SYNE1: variants seen among roughly 807,000 people sequenced by gnomAD.
The protein encoded by SYNE1 is spectrin repeat containing nuclear envelope protein 1.
Under a neutral mutation model 1,111.0 loss-of-function variants are expected in SYNE1, and 616 were observed. The ratio of observed to expected loss-of-function variants is 0.55; its 90% CI spans 0.52 to 0.59. The LOEUF (loss-of-function observed/expected upper bound fraction) is 0.59. Among genes scored for constraint, SYNE1 ranks in the 20% least tolerant of loss-of-function variants. The probability of loss-of-function intolerance (pLI) is 0.00; values close to 1 mark genes in which losing one functional copy is unlikely to be tolerated. For missense variants in SYNE1, 10,006 were observed against 10,417.0 expected, an observed-to-expected ratio of 0.96 and a Z score of 1.72; for synonymous variants, 3,855 against 3,825.8, an observed-to-expected ratio of 1.01 and a Z score of -0.28.
chr6:152,523,887 T>A (rs1247322980), intron 5 of SYNE1, among the ~76,000 whole-genome samples: 1 of 152,212 alleles, frequency 6.6e-6, no homozygotes, highest in Non-Finnish European at 1.5e-5. Context: ...TACTGACTTG[T>A]GCACATTGAT....
Position 152,236,269 on chromosome 6 carries a change from T to C in SYNE1, c.20234A>G (p.Lys6745Arg), listed in dbSNP as rs769256850. The C allele has an allele frequency of 2.2e-5, 36 of 1,613,918 alleles. 1 individual carries two copies. The South Asian group carries it at 3.3e-4, about 15-fold the overall frequency. ...CCCATCATCTAATACTTGATATAAT[T>C]TGGGCTGGTATTCATTAAGGCTAGA... ...LKSSLNEYQP[K>R]LYQVLDDGKR... Residue 6745 changes from lysine (K) to arginine (R), a missense_variant, in exon 110 of 146, where the codon AAA becomes AGA. By Grantham distance (26) the Lys-to-Arg change is conservative. Coordinates refer to ENST00000367255, the MANE Select transcript of SYNE1 (RefSeq NM_182961.4).
At position 152,231,647 on chromosome 6, in the gene SYNE1, C is replaced by T. The variant is rs2082772234; in HGVS notation, c.20863-80G>A. On this transcript the variant is annotated intron_variant, in intron 113 of 145. Coordinates refer to ENST00000367255, the MANE Select transcript of SYNE1 (RefSeq NM_182961.4). ...CAGGAGTTGGAAAGCCTTAAGTAAC[C>T]TTAATATTAATATTATCACTTCCAT... is the stretch of plus-strand genomic sequence containing the variant. 9 of 1,413,720 alleles carry T rather than the reference C, an allele frequency of 6.4e-6. No individual in the cohort carries two copies. In the Admixed American group the frequency reaches 1.2e-4, roughly 18 times the overall value. 87.6% of individuals were successfully genotyped at this position (1,413,720 alleles called of 1,614,324 possible). A position where few individuals can be genotyped will look rare whatever the true frequency, so the allele number is the denominator to read the frequency against.
chr6:152,127,149 C>T (rs911937383), intron 145 of SYNE1: 2 of 152,132 alleles, frequency 1.3e-5, no homozygotes, highest in African/African-American at 4.8e-5. Flanking sequence ...CCTGAGGCAG[C>T]CTGTGGTGGC....
At chr6:152,199,697 G>A (rs1241093791) in intron 127 of SYNE1, among the ~76,000 whole-genome samples, 3 of 152,056 alleles carry the variant, frequency 2.0e-5, no homozygotes, top group East Asian at 1.9e-4. Context: ...GTCTTTACAC[G>A]GTAGAAAGGT....
At chr6:152,162,030 C>G (rs921987767) in intron 131 of SYNE1, among the ~76,000 whole-genome samples, 7 of 152,208 alleles carry the variant, frequency 4.6e-5, no homozygotes, top group African/African-American at 1.7e-4. Flanking sequence ...CAGAGTCCCT[C>G]TGGTTTGCTT....
intron 11 of SYNE1, among the ~76,000 whole-genome samples, 191 bp from the exon 12 acceptor site, chr6:152,488,694 T>C (rs981928024): frequency 1.3e-5 from 2 of 151,692 alleles, no homozygotes; most frequent in Non-Finnish European, 2.9e-5. Context: ...AGTATCTTAG[T>C]TATCTTATTG....
rs147508177 is a variant in SYNE1, at chr6:152,425,389, A to G, written c.5259T>C (p.Ile1753=). The part of the protein sequence containing the change: ...DERWRDLPQI[I]NKRINFLQSV... ...TATCTTTTAGAACCAACCTTTTGTT[A>G]ATGATCTGTGGTAAATCTCTCCATC... The change falls in exon 39 of 146, where the codon ATT becomes ATC. Residue 1753 remains isoleucine, a synonymous_variant. Coordinates refer to ENST00000367255, the MANE Select transcript of SYNE1 (RefSeq NM_182961.4). 5.7e-4 allele frequency: 919 copies of G among 1,614,088 alleles called. No homozygotes were observed. The highest frequency in any genetic ancestry group is 7.4e-4 in the Non-Finnish European group (871 of 1,179,952).
chr6:152,539,643 A>G (rs934810650), intron 4 of SYNE1, among the ~76,000 whole-genome samples: 1 of 152,210 alleles, frequency 6.6e-6, no homozygotes, highest in Non-Finnish European at 1.5e-5. Flanking sequence ...ACACACAAAC[A>G]AAAATCCAGC....
chr6:152,149,700 A>G (rs1219178881), intron 135 of SYNE1, 32 bp from the exon 136 acceptor site: 1 of 1,588,200 alleles, frequency 6.3e-7, no homozygotes, highest in South Asian at 1.1e-5. Context: ...TGATTTTGCT[A>G]TTGTTGTTGC....
intron 61 of SYNE1, 92 bp from the exon 62 acceptor site, chr6:152,367,474 T>C: frequency 2.7e-6 from 4 of 1,454,890 alleles, no homozygotes; most frequent in Non-Finnish European, 3.8e-6. Flanking sequence ...CAATCAGTCA[T>C]GGCTTCATAC....
Position 152,242,305 on chromosome 6 carries a change from C to A in SYNE1, c.19828G>T (p.Ala6610Ser), listed in dbSNP as rs745955401. The change falls in exon 107 of 146, where the codon GCA (alanine) becomes TCA (serine). Residue 6610 changes from alanine (A) to serine (S), a missense_variant. By Grantham distance (99) the Ala-to-Ser change is moderately conservative (BLOSUM62 1). Around this residue, in one of 7 missense-constraint regions of SYNE1, gnomAD observed 2,182 missense variants for 2,287.8 expected, o/e 0.95. Coordinates refer to ENST00000367255, the MANE Select transcript of SYNE1 (RefSeq NM_182961.4). ...GACACGATGATTTTCTGGTCTCCTG[C>A]CATCTTCTCCTGACCAGTTTCTAGC... ...DLLETGQEKM[A>S]GDQKIIVSSK... 2.5e-6 allele frequency: 4 copies of A among 1,614,066 alleles called. No homozygotes were observed. Among genetic ancestry groups the A allele is most frequent in the Non-Finnish European group, 3.4e-6 (4 of 1,179,996 alleles).
At chr6:152,430,966 A>G (rs1254706846) in intron 34 of SYNE1, among the ~76,000 whole-genome samples, 1 of 152,144 alleles carries the variant, frequency 6.6e-6, no homozygotes, top group Non-Finnish European at 1.5e-5. Flanking sequence ...CTTGCAGTGA[A>G]GTAAGCAAGG....
intron 101 of SYNE1, among the ~76,000 whole-genome samples, chr6:152,260,804 A>G (rs996390367): frequency 1.6e-4 from 25 of 152,078 alleles, no homozygotes; most frequent in African/African-American, 5.8e-4. Context: ...TCACAAGCAT[A>G]GTTCACAATA....
intron 137 of SYNE1, chr6:152,144,690 T>C (rs1562991785): frequency 6.6e-6 from 1 of 152,654 alleles, no homozygotes. Flanking sequence ...CTTTGCTTTC[T>C]GTCCTTTTGA....
At chr6:152,356,421 G>T (rs1352831036) in intron 66 of SYNE1, among the ~76,000 whole-genome samples, 1 of 146,952 alleles carries the variant, frequency 6.8e-6, no homozygotes, top group African/African-American at 2.5e-5. Flanking sequence ...GTATTCTGAA[G>T]GAAAAAATAG....
At chr6:152,380,607 G>A in intron 56 of SYNE1, 1 of 271,144 alleles carries the variant, frequency 3.7e-6, no homozygotes, top group East Asian at 1.1e-4. Context: ...AGTCTTTTAA[G>A]GCTATAAATT....
intron 41 of SYNE1, 128 bp downstream of exon 41, chr6:152,416,259 G>T: frequency 2.3e-6 from 3 of 1,304,786 alleles, no homozygotes; most frequent in Non-Finnish European, 3.3e-6. Flanking sequence ...TCTTTCTTTT[G>T]GCAGAGTGAA....
rs78170928 is a variant in SYNE1, at chr6:152,466,722, G to A, written c.1633-644C>T. 8.4e-3 allele frequency among the ~76,000 whole-genome samples: 1,272 copies of A among 152,022 alleles called. 17 individuals are homozygous for A. The highest frequency in any genetic ancestry group is 0.029 in the African/African-American group (1,199 of 41,492). Reference sequence around the variant, plus strand: ...TATAAAATTGAGAATAGACAAAAAAGTTCTTAGGTAAATGTTATTATTGTT... The same window carrying A: ...TATAAAATTGAGAATAGACAAAAAAATTCTTAGGTAAATGTTATTATTGTT... On this transcript the variant is annotated intron_variant, in intron 16 of 145. Transcript: ENST00000367255.
chr6:152,607,147 G>T (rs2128742201), intron 3 of SYNE1, among the ~76,000 whole-genome samples: 1 of 147,974 alleles, frequency 6.8e-6, no homozygotes, highest in African/African-American at 2.5e-5. Context: ...ACCACGCCTG[G>T]CTAATTTTTT....
Sources: gnomAD v4.1 joint callset for allele counts (sites outside exome capture counted in the v4.1 genomes callset) on GRCh38, gnomAD v4.1.1 for gene constraint, gnomAD v4.1.1 regional missense constraint, MANE v1.5 for transcripts, NCBI Gene and HGNC (gene_info 2026-07-23, HGNC 2026-07-21) for gene names.